CCSER2: variants seen among roughly 807,000 people sequenced by gnomAD.
CCSER2 encodes the protein coiled-coil serine rich protein 2.
CCSER2 carries 46 observed loss-of-function variants against 92.3 expected under a neutral mutation model. The observed-to-expected ratio is 0.50, with a 90% confidence interval of 0.39 to 0.64. The LOEUF is 0.64. Among genes scored for constraint, CCSER2 ranks in the 30% least tolerant of loss-of-function variants. The pLI, the probability that CCSER2 is intolerant of heterozygous loss-of-function variation, is 0.00. For missense variants in CCSER2, 1,244 were observed against 1,238.9 expected, an observed-to-expected ratio of 1.00 and a Z score of -0.06; for synonymous variants, 433 against 431.4, an observed-to-expected ratio of 1.00 and a Z score of -0.04.
At chr10:84,508,551 T>C (rs947285605) in intron 9 of CCSER2, among the ~76,000 whole-genome samples, 4 of 152,146 alleles carry the variant, frequency 2.6e-5, no homozygotes, top group African/African-American at 9.6e-5. Flanking sequence ...GCTAAGTGAC[T>C]CAGTATTGTG....
chr10:84,407,024 G>A (rs940483856), intron 3 of CCSER2, among the ~76,000 whole-genome samples: 1 of 152,118 alleles, frequency 6.6e-6, no homozygotes, highest in African/African-American at 2.4e-5. Context: ...ATTGCCTAAA[G>A]CAGATGTTAG....
chr10:84,491,105 C>T (rs760717399), intron 9 of CCSER2, among the ~76,000 whole-genome samples: 7 of 152,192 alleles, frequency 4.6e-5, no homozygotes, highest in African/African-American at 1.2e-4. Flanking sequence ...CTGGAAGCTT[C>T]GTCTCAGATG....
intron 4 of CCSER2, among the ~76,000 whole-genome samples, chr10:84,421,240 C>G (rs888775834): frequency 6.6e-6 from 1 of 152,128 alleles, no homozygotes; most frequent in Non-Finnish European, 1.5e-5. Context: ...TCTGGACTTT[C>G]GTGAGTTAGG....
At chr10:84,349,098 A>G (rs1221352354) in intron 1 of CCSER2, among the ~76,000 whole-genome samples, 4 of 151,956 alleles carry the variant, frequency 2.6e-5, no homozygotes, top group South Asian at 4.2e-4. Context: ...TTCTCCTTCC[A>G]CAGACTGCTT....
intron 6 of CCSER2, among the ~76,000 whole-genome samples, chr10:84,442,749 G>C (rs892841969): frequency 6.6e-6 from 1 of 152,134 alleles, no homozygotes; most frequent in Non-Finnish European, 1.5e-5. Flanking sequence ...ATATTACAAG[G>C]CTACAGTAAC....
intron 4 of CCSER2, among the ~76,000 whole-genome samples, chr10:84,422,724 T>C (rs1176277822): frequency 1.3e-5 from 2 of 152,152 alleles, no homozygotes; most frequent in Non-Finnish European, 2.9e-5. Context: ...GGGACTTTTC[T>C]TTCTTAATCT....
At chr10:84,408,669 C>CT (rs1842490318) in intron 3 of CCSER2, among the ~76,000 whole-genome samples, 1 of 152,178 alleles carries the variant, frequency 6.6e-6, no homozygotes, top group Non-Finnish European at 1.5e-5. Context: ...AGTTTGGCAT[C>CT]TTTTTAACAG....
intron 1 of CCSER2, among the ~76,000 whole-genome samples, chr10:84,342,842 T>A (rs1018095480): frequency 3.9e-5 from 6 of 152,210 alleles, no homozygotes; most frequent in Non-Finnish European, 4.4e-5. Flanking sequence ...TCTTGAACTT[T>A]CTTTGCCTTC....
At chr10:84,353,067 C>T (rs1428606110) in intron 1 of CCSER2, among the ~76,000 whole-genome samples, 10 of 152,226 alleles carry the variant, frequency 6.6e-5, no homozygotes, top group African/African-American at 1.4e-4. Flanking sequence ...GCTGGGATTA[C>T]GGGCGTGAGC....
chr10:84,502,188 G>A (rs1848791716), intron 9 of CCSER2, among the ~76,000 whole-genome samples: 1 of 151,428 alleles, frequency 6.6e-6, no homozygotes, highest in Admixed American at 6.6e-5. Flanking sequence ...TTTTCCAGAG[G>A]GTTTTGAAAC....
chr10:84,365,920 C>T (rs574115982), intron 1 of CCSER2, among the ~76,000 whole-genome samples: 15 of 152,040 alleles, frequency 9.9e-5, no homozygotes, highest in African/African-American at 2.7e-4. Flanking sequence ...ATGTTTATAC[C>T]GAAAGTGGTT....
At chr10:84,352,597 A>G (rs868116338) in intron 1 of CCSER2, among the ~76,000 whole-genome samples, 1 of 151,900 alleles carries the variant, frequency 6.6e-6, no homozygotes, top group South Asian at 2.1e-4. Context: ...TATCACCACC[A>G]CCACCACTGC....
intron 6 of CCSER2, chr10:84,454,581 T>G (rs1308096273): frequency 6.6e-6 from 1 of 152,350 alleles, no homozygotes; most frequent in African/African-American, 2.4e-5. Flanking sequence ...AAGAAGGCTG[T>G]TAAATAGATG....
intron 3 of CCSER2, among the ~76,000 whole-genome samples, chr10:84,388,327 T>C (rs1431631990): frequency 6.6e-6 from 1 of 152,232 alleles, no homozygotes; most frequent in African/African-American, 2.4e-5. Context: ...GGTTATTTCA[T>C]GGCTGGACTT....
intron 5 of CCSER2, among the ~76,000 whole-genome samples, chr10:84,426,361 A>G: frequency 6.6e-6 from 1 of 152,170 alleles, no homozygotes; most frequent in East Asian, 1.9e-4. Flanking sequence ...TTTTCAAAGT[A>G]GAGGATAGTC....
chr10:84,467,855 T>G (rs888514279), intron 7 of CCSER2, among the ~76,000 whole-genome samples: 36 of 152,174 alleles, frequency 2.4e-4, no homozygotes, highest in Non-Finnish European at 4.4e-5. Flanking sequence ...AAATTTTGAT[T>G]TCTTCTCTCC....
intron 3 of CCSER2, among the ~76,000 whole-genome samples, chr10:84,396,185 CTGTG>C (rs11467455): frequency 0.038 from 5,521 of 145,750 alleles, 111 homozygotes; most frequent in South Asian, 0.047. Flanking sequence ...TTATTCAACA[CTGTG>C]TGTGTGTGTG....
At chr10:84,453,715 C>T (rs924209213) in intron 6 of CCSER2, among the ~76,000 whole-genome samples, 1 of 152,114 alleles carries the variant, frequency 6.6e-6, no homozygotes, top group Non-Finnish European at 1.5e-5. Flanking sequence ...TCAGTTTCTC[C>T]TTTTAATGCT....
At chr10:84,491,494 G>A (rs1848162961) in intron 9 of CCSER2, among the ~76,000 whole-genome samples, 1 of 152,194 alleles carries the variant, frequency 6.6e-6, no homozygotes, top group African/African-American at 2.4e-5. Flanking sequence ...TCAGACTGCT[G>A]TGCTAGCAAT....
Sources: gnomAD v4.1 joint callset for allele counts (sites outside exome capture counted in the v4.1 genomes callset) on GRCh38, gnomAD v4.1.1 for gene constraint, MANE v1.5 for transcripts, NCBI Gene and HGNC (gene_info 2026-07-23, HGNC 2026-07-21) for gene names.